MID1: variants seen among roughly 807,000 people sequenced by gnomAD.
MID1 encodes the protein E3 ubiquitin-protein ligase Midline-1.
In MID1, 7 loss-of-function variants were observed where a neutral mutation model predicts 40.4. That is an observed-to-expected ratio of 0.17 (90% confidence interval 0.10 to 0.33). The LOEUF is 0.33. Among genes scored for constraint, MID1 ranks in the 10% least tolerant of loss-of-function variants. The pLI is 1.00. For missense variants in MID1, 367 were observed against 558.5 expected, an observed-to-expected ratio of 0.66 and a Z score of 3.46; for synonymous variants, 229 against 221.2, an observed-to-expected ratio of 1.04 and a Z score of -0.31.
chrX:10,714,724 A>C (rs2043289378), intron 1 of MID1, among the ~76,000 whole-genome samples: 1 of 112,258 alleles, frequency 8.9e-6, no homozygotes, highest in Non-Finnish European at 1.9e-5. Flanking sequence ...CATAACGAAA[A>C]GAGAATGAAA....
chrX:10,609,208 T>G (rs891964696), intron 1 of MID1, among the ~76,000 whole-genome samples: 9 of 111,535 alleles, frequency 8.1e-5, no homozygotes, highest in Non-Finnish European at 1.3e-4. Context: ...TTTGAATCAT[T>G]ACAGCCATTT....
intron 1 of MID1, among the ~76,000 whole-genome samples, chrX:10,753,214 T>C (rs1230053456): frequency 1.8e-5 from 2 of 111,995 alleles, no homozygotes; most frequent in Non-Finnish European, 3.8e-5. Flanking sequence ...ATGAACAGTA[T>C]GCTATGTGCT....
At chrX:10,666,809 C>A (rs181041009) in intron 1 of MID1, among the ~76,000 whole-genome samples, 6 of 111,571 alleles carry the variant, frequency 5.4e-5, no homozygotes, top group Admixed American at 2.9e-4. Context: ...ATAAGACGAG[C>A]TTTTCATAGG....
At chrX:10,580,036 T>G (rs1299623197) in intron 1 of MID1, among the ~76,000 whole-genome samples, 3 of 110,916 alleles carry the variant, frequency 2.7e-5, no homozygotes, top group South Asian at 7.7e-4. Context: ...TACATGCTAA[T>G]GGATGAACTG....
intron 1 of MID1, among the ~76,000 whole-genome samples, chrX:10,824,684 T>C (rs1466783008): frequency 1.8e-5 from 2 of 112,085 alleles, no homozygotes; most frequent in East Asian, 5.6e-4. Flanking sequence ...TGTCTTGAAA[T>C]CCATTTGTGC....
intron 7 of MID1, among the ~76,000 whole-genome samples, chrX:10,460,454 A>T (rs998965336): frequency 5.4e-5 from 6 of 111,514 alleles, no homozygotes; most frequent in Non-Finnish European, 1.1e-4. Context: ...CCGAGTATTT[A>T]TGATGCTTGG....
At chrX:10,747,272 G>A (rs947849781) in intron 1 of MID1, among the ~76,000 whole-genome samples, 2 of 112,094 alleles carry the variant, frequency 1.8e-5, no homozygotes, top group African/African-American at 6.5e-5. Flanking sequence ...ATGACAGTGA[G>A]AGCTCATGCC....
chrX:10,537,113 C>T (rs1933287084), intron 2 of MID1, among the ~76,000 whole-genome samples: 1 of 111,006 alleles, frequency 9.0e-6, no homozygotes, highest in South Asian at 3.9e-4. Flanking sequence ...CACAACGTGC[C>T]CTCTCTCACA....
intron 4 of MID1, among the ~76,000 whole-genome samples, chrX:10,492,316 G>A (rs985872827): frequency 9.0e-6 from 1 of 111,632 alleles, no homozygotes; most frequent in African/African-American, 3.3e-5. Flanking sequence ...TAAACTTAGA[G>A]TTTCAGTTTT....
chrX:10,488,628 T>C (rs1930753814), intron 4 of MID1, among the ~76,000 whole-genome samples: 1 of 111,785 alleles, frequency 8.9e-6, no homozygotes, highest in Admixed American at 9.5e-5. Flanking sequence ...CTTGATTGGA[T>C]TGAAGGATGC....
At chrX:10,619,168 G>C (rs758653754) in intron 1 of MID1, among the ~76,000 whole-genome samples, 1 of 112,085 alleles carries the variant, frequency 8.9e-6, no homozygotes, top group East Asian at 2.8e-4. Context: ...ATTCGAAGGG[G>C]GCTCTGCTTC....
Position 10,739,699 on chromosome X carries a change from A to G in MID1, c.-187+93855T>C, listed in dbSNP as rs757247878. 1.4e-4 allele frequency among the ~76,000 whole-genome samples: 16 copies of G among 112,342 alleles called. No individual in the cohort carries two copies. The East Asian group carries it at 3.3e-3, about 23-fold the overall frequency. On this transcript the variant is annotated intron_variant, in intron 1 of 10. Coordinates refer to the MID1 transcript ENST00000380785. ...AGGATAAAATTATGGAAATGTATCA[A>G]TGGAAGAGTGAAAATGTAAAGTGAT...
At chrX:10,744,378 A>G (rs2043545322) in intron 1 of MID1, among the ~76,000 whole-genome samples, 1 of 112,159 alleles carries the variant, frequency 8.9e-6, no homozygotes, top group Admixed American at 9.4e-5. Flanking sequence ...CTACTTGCTC[A>G]CCTGGTAGCT....
rs1195621175 is a variant in MID1, at chrX:10,474,750, T to C, written c.1014A>G (p.Arg338=). 3 of 1,205,694 alleles carry C rather than the reference T, an allele frequency of 2.5e-6. No individual in the cohort carries two copies. The African/African-American group carries it at 5.3e-5, about 21-fold the overall frequency. ...GGGAGGATGCAGTTGCCATGGAGACTCTGTAATGCAAACAAAACAATGTTT... is the reference window on the plus strand; with the variant it reads ...GGGAGGATGCAGTTGCCATGGAGACCCTGTAATGCAAACAAAACAATGTTT... ...FLQTAKNITE[R]VSMATASSQV... is the part of the protein sequence containing the mutation. The change falls in exon 6 of 10, where the codon AGA becomes AGG. Residue 338 remains arginine, a splice_region_variant and synonymous_variant. Transcript: ENST00000317552.
chrX:10,489,275 G>A (rs2147310337), intron 4 of MID1, among the ~76,000 whole-genome samples: 1 of 112,083 alleles, frequency 8.9e-6, no homozygotes, highest in Admixed American at 9.5e-5. Flanking sequence ...TATGGATAAT[G>A]CTTTTGTCAT....
chrX:10,676,861 G>T (rs753149040), intron 1 of MID1, among the ~76,000 whole-genome samples: 8 of 111,404 alleles, frequency 7.2e-5, no homozygotes, highest in Non-Finnish European at 1.5e-4. Context: ...GCGAGGCACG[G>T]AGGTGTGCAT....
At chrX:10,452,230 C>T (rs1271569474) in intron 9 of MID1, among the ~76,000 whole-genome samples, 1 of 111,728 alleles carries the variant, frequency 9.0e-6, no homozygotes, top group Non-Finnish European at 1.9e-5. Flanking sequence ...TATGCTGCCC[C>T]CACCCCTTCT....
chrX:10,756,736 G>A (rs775440531), intron 1 of MID1, among the ~76,000 whole-genome samples: 3 of 112,343 alleles, frequency 2.7e-5, no homozygotes, highest in African/African-American at 6.5e-5. Context: ...AGGTTTTGCA[G>A]AGAAGAGGGA....
At chrX:10,693,976 C>T (rs1198947410) in intron 1 of MID1, among the ~76,000 whole-genome samples, 1 of 112,339 alleles carries the variant, frequency 8.9e-6, no homozygotes, top group Non-Finnish European at 1.9e-5. Flanking sequence ...TCACTCAGAA[C>T]CCAAGAGTTG....
Sources: gnomAD v4.1 joint callset for allele counts (sites outside exome capture counted in the v4.1 genomes callset) on GRCh38, gnomAD v4.1.1 for gene constraint, MANE v1.5 for transcripts, NCBI Gene and HGNC (gene_info 2026-07-23, HGNC 2026-07-21) for gene names.